The following MLLT3 variants were observed in gnomAD, a reference collection of about 807,000 sequenced individuals.
MLLT3 encodes MLLT3 super elongation complex subunit, also known as protein AF-9.
Under a neutral mutation model 53.2 loss-of-function variants are expected in MLLT3, and 4 were observed. The observed-to-expected ratio is 0.08, with a 90% CI of 0.04 to 0.17. The LOEUF (loss-of-function observed/expected upper bound fraction) is 0.17. MLLT3 is among the 10% of genes least tolerant of loss of function. The pLI is 1.00. For missense variants in MLLT3, 569 were observed against 684.0 expected, an observed-to-expected ratio of 0.83 and a Z score of 1.87; for synonymous variants, 283 against 230.6, an observed-to-expected ratio of 1.23 and a Z score of -2.06.
intron 2 of MLLT3, among the ~76,000 whole-genome samples, chr9:20,615,103 G>A (rs1170625358): frequency 6.6e-6 from 1 of 152,092 alleles, no homozygotes; most frequent in Non-Finnish European, 1.5e-5. Flanking sequence ...CAGCAATTTG[G>A]GAGATCGAGG....
rs1563942037 is a variant in MLLT3, at chr9:20,375,607, TTTC to T, written c.1126-9866_1126-9864del. Among the ~76,000 whole-genome samples, 341 of 110,546 alleles carry T rather than the reference TTTC, an allele frequency of 3.1e-3. 8 individuals are homozygous for T. The highest frequency in any genetic ancestry group is 0.027 in the African/African-American group (303 of 11,186). The allele number at this position is 110,546 out of a possible 152,430, so 72.5% of individuals were successfully genotyped here. On this transcript the variant is annotated intron_variant, in intron 5 of 10. Coordinates refer to ENST00000380338, the MANE Select transcript of MLLT3 (RefSeq NM_004529.4). ...ATTTCAGTAATTTTTTTTTTTTTCT[TTTC>T]TTTTTTTTTTTTTTTGAGACAGAGT...
Position 20,355,529 on chromosome 9 carries a change from T to C in MLLT3, c.1432-650A>G, listed in dbSNP as rs558627123. Among the ~76,000 whole-genome samples, 12 of 152,282 alleles carry C rather than the reference T, an allele frequency of 7.9e-5. No individual in the cohort carries two copies. In the South Asian group the frequency reaches 1.5e-3, roughly 18 times the overall value. ...TTTACATACTGTATAGAAGCTTTGG[T>C]GGGAAGCTATGTTTCTACTTAATAA... On this transcript the variant is annotated intron_variant, in intron 8 of 10. Transcript: ENST00000380338.
rs1327502842 is a variant in MLLT3 at position 20,612,402 on chromosome 9, T to G, written c.193+8252A>C. Among the ~76,000 whole-genome samples, 4 of 152,176 alleles carry G rather than the reference T, an allele frequency of 2.6e-5. No homozygotes were observed. The South Asian group carries it at 6.2e-4, about 24-fold the overall frequency. On this transcript the variant is annotated intron_variant, in intron 2 of 10. Coordinates refer to ENST00000380338, the MANE Select transcript of MLLT3 (RefSeq NM_004529.4). ...ATCCTACATATATATTGCCTTTTGG[T>G]TAAGCACATTACTATGGCCACGAAC... is the stretch of plus-strand genomic sequence containing the variant.
chr9:20,469,283 G>A (rs1449196924), intron 2 of MLLT3, among the ~76,000 whole-genome samples: 1 of 152,086 alleles, frequency 6.6e-6, no homozygotes, highest in Non-Finnish European at 1.5e-5. Flanking sequence ...CAGCATTTAT[G>A]AGAAATATCA....
intron 2 of MLLT3, among the ~76,000 whole-genome samples, chr9:20,471,952 A>C (rs192277346): frequency 6.6e-6 from 1 of 152,214 alleles, no homozygotes; most frequent in Admixed American, 6.5e-5. Flanking sequence ...AGATCCTAAA[A>C]GAATATATTA....
At chr9:20,615,745 T>A (rs898101937) in intron 2 of MLLT3, among the ~76,000 whole-genome samples, 1 of 151,942 alleles carries the variant, frequency 6.6e-6, no homozygotes, top group African/African-American at 2.4e-5. Context: ...ATGTGCCTTT[T>A]TCCTTCCCAT....
chr9:20,506,597 T>C (rs962628208), intron 2 of MLLT3, among the ~76,000 whole-genome samples: 3 of 152,172 alleles, frequency 2.0e-5, no homozygotes, highest in Non-Finnish European at 4.4e-5. Context: ...CCAAATCACA[T>C]GCCAAAATTT....
Position 20,413,848 on chromosome 9 carries a change from A to T in MLLT3, c.998T>A (p.Val333Asp), listed in dbSNP as rs113086778. ...DKKQIKDKSH[V>D]KMGKVKIESE... ...TTCAATTTTGACCTTTCCCATCTTG[A>T]CATGAGATTTATCTTTTATCTGTTT... The change falls in exon 5 of 11, where the codon GTC becomes GAC. Residue 333 changes from valine to aspartate, a missense_variant. Transcript: ENST00000380338. 2.5e-6 allele frequency: 4 copies of T among 1,614,082 alleles called. No homozygotes were observed. Among genetic ancestry groups the T allele is most frequent in the Non-Finnish European group, 3.4e-6 (4 of 1,180,014 alleles).
In MLLT3 at chr9:20,423,652, TA is replaced by T. The variant is rs57054758; in HGVS notation, c.421-9228del. ...ACACAGTGAGACCCTATCTCTACATTAAAAAAAAAAAATTAGCCAGGCGTAG... is the reference window on the plus strand; with the variant it reads ...ACACAGTGAGACCCTATCTCTACATTAAAAAAAAAAATTAGCCAGGCGTAG... On this transcript the variant is annotated intron_variant, in intron 4 of 10. Coordinates refer to ENST00000380338, the MANE Select transcript of MLLT3 (RefSeq NM_004529.4). Among the ~76,000 whole-genome samples, 179 of 144,076 alleles carry T rather than the reference TA, an allele frequency of 1.2e-3. 1 individual carries two copies. The highest frequency in any genetic ancestry group is 1.1e-3 in the African/African-American group (45 of 39,656). The allele number at this position is 144,076 out of a possible 152,430, so 94.5% of individuals were successfully genotyped here.
intron 8 of MLLT3, among the ~76,000 whole-genome samples, chr9:20,357,157 T>C (rs149372536): frequency 2.4e-4 from 36 of 152,384 alleles, no homozygotes; most frequent in Admixed American, 1.4e-3. Context: ...TTTAATTTCA[T>C]TCAACATGCC....
At chr9:20,471,416 C>T (rs772757081) in intron 2 of MLLT3, among the ~76,000 whole-genome samples, 14 of 152,118 alleles carry the variant, frequency 9.2e-5, no homozygotes, top group Non-Finnish European at 1.5e-4. Context: ...TCCACCTATG[C>T]GTACTTTCCA....
intron 2 of MLLT3, among the ~76,000 whole-genome samples, chr9:20,467,763 G>A (rs563949540): frequency 6.6e-6 from 1 of 152,274 alleles, no homozygotes; most frequent in East Asian, 1.9e-4. Flanking sequence ...TAAATACGAA[G>A]AAAGAGGAGG....
intron 3 of MLLT3, among the ~76,000 whole-genome samples, chr9:20,450,701 T>C (rs1823816486): frequency 6.6e-6 from 1 of 152,228 alleles, no homozygotes; most frequent in African/African-American, 2.4e-5. Context: ...TGAAAGTCTT[T>C]CTTACTCTCC....
chr9:20,622,095 GGCTGAGGGAGAGGCGGCAGCTCCCTGCAA>G, intron 1 of MLLT3, 121 bp downstream of exon 1: 1 of 931,392 alleles, frequency 1.1e-6, no homozygotes, highest in Non-Finnish European at 1.6e-6. Context: ...GGGGAGCGGA[GGCTGAGGGAGAGGCGGCAGCTCCCTGCAA>G]GCCGTACCAA....
chr9:20,385,545 T>C (rs947645421), intron 5 of MLLT3, among the ~76,000 whole-genome samples: 1 of 152,198 alleles, frequency 6.6e-6, no homozygotes, highest in African/African-American at 2.4e-5. Flanking sequence ...AATGTCTGTT[T>C]TTGGTTCAAT....
intron 4 of MLLT3, among the ~76,000 whole-genome samples, chr9:20,416,150 TAAAATA>T (rs1034356125): frequency 2.0e-5 from 3 of 151,996 alleles, no homozygotes; most frequent in Admixed American, 1.3e-4. Context: ...TATGAATAAT[TAAAATA>T]AAGTATAATG....
chr9:20,478,717 C>T (rs115798704), intron 2 of MLLT3, among the ~76,000 whole-genome samples: 2,421 of 152,186 alleles, frequency 0.016, 65 homozygotes, highest in African/African-American at 0.055. Context: ...AGCTATGACC[C>T]GGGGCAAGTC....
chr9:20,380,495 G>T (rs1242662979), intron 5 of MLLT3, among the ~76,000 whole-genome samples: 1 of 151,966 alleles, frequency 6.6e-6, no homozygotes, highest in African/African-American at 2.4e-5. Flanking sequence ...ATTCCTACTT[G>T]TGGAATCATT....
chr9:20,538,912 C>T (rs1401191052), intron 2 of MLLT3, among the ~76,000 whole-genome samples: 1 of 152,126 alleles, frequency 6.6e-6, no homozygotes, highest in Non-Finnish European at 1.5e-5. Flanking sequence ...ATATAATATA[C>T]ACATGTGCGA....
Sources: gnomAD v4.1 joint callset for allele counts (sites outside exome capture counted in the v4.1 genomes callset) on GRCh38, gnomAD v4.1.1 for gene constraint, MANE v1.5 for transcripts, NCBI Gene and HGNC (gene_info 2026-07-23, HGNC 2026-07-21) for gene names.